Variants in TXLNB observed in about 807,000 individuals in gnomAD.
The protein encoded by TXLNB is beta-taxilin.
Under a neutral mutation model 57.4 loss-of-function variants are expected in TXLNB, and 37 were observed. The observed-to-expected ratio is 0.64, with a 90% CI of 0.50 to 0.85. The LOEUF is 0.85. Among genes scored for constraint, TXLNB ranks in the 40% least tolerant of loss-of-function variants. The probability of loss-of-function intolerance (pLI) is 0.00; values close to 1 mark genes in which losing one functional copy is unlikely to be tolerated. For synonymous variants in TXLNB, 302 were observed against 309.6 expected (o/e 0.98, Z 0.26); for missense variants, 848 against 825.6 (o/e 1.03, Z -0.33).
At chr6:139,267,331 T>C (rs919531671) in intron 4 of TXLNB, among the ~76,000 whole-genome samples, 32 of 152,266 alleles carry the variant, frequency 2.1e-4, no homozygotes, top group African/African-American at 7.0e-4. Flanking sequence ...ATAATACATA[T>C]AATGATGATA....
chr6:139,174,485 C>T, the TXLNB span: 1 of 1,613,498 alleles, frequency 6.2e-7, no homozygotes, highest in Non-Finnish European at 8.5e-7. Context: ...GCAGCTGGCA[C>T]CAGCTGGGCA....
downstream of TXLNB, chr6:139,239,517 G>C (rs1775875629): frequency 6.6e-6 from 1 of 152,524 alleles, no homozygotes. The surrounding 1 kb of genome is among the most constrained non-coding windows in gnomAD (Gnocchi z 4.7). Flanking sequence ...TTTTGAGACA[G>C]GGTCTCACTC....
the TXLNB span, among the ~76,000 whole-genome samples, chr6:139,164,939 C>G: frequency 2.4e-3 from 368 of 152,298 alleles, 7 homozygotes; most frequent in South Asian, 0.042. Flanking sequence ...TTAGCCCCTT[C>G]CACCTCTGGC....
In TXLNB at chr6:139,288,772, T is replaced by C. The variant is rs1777239339; in HGVS notation, c.128A>G (p.Gln43Arg). Residue 43 changes from glutamine (Q) to arginine (R), a missense_variant, in exon 2 of 10, where the codon CAA becomes CGA. Physicochemically the swap from Gln to Arg is conservative, Grantham distance 43 (BLOSUM62 1). Transcript: ENST00000358430. ...CACACTTGCCTCTTTCTCTGGTGGT[T>C]GGACTGGGGTTGGAGAATCCTGGCC... ...EDGQDSPTPV[Q>R]PPEKEASVHP... 1 of 1,614,204 alleles carries C rather than the reference T, an allele frequency of 6.2e-7. No individual in the cohort carries two copies. The highest frequency in any genetic ancestry group is 1.7e-5 in the Admixed American group (1 of 60,022).
At position 139,262,746 on chromosome 6, in the gene TXLNB, CCT is replaced by C. The variant is rs1776518402; in HGVS notation, c.713_714del (p.Glu238GlyfsTer28). On this transcript the variant is annotated frameshift_variant, in exon 5 of 10. Coordinates refer to ENST00000358430, the MANE Select transcript of TXLNB (RefSeq NM_153235.4). LOFTEE classifies it high-confidence loss of function. ...GTGATTTCCTTCCTTTTCTCTTCTT[CCT>C]CACGTGCCCGCTGAAGCGCCTCTTC... ...LKEEALQRAR[E>X]EEEKRKEITS... 6.2e-7 allele frequency: 1 copy of C among 1,613,456 alleles called. No homozygotes were observed. Among genetic ancestry groups the C allele is most frequent in the Non-Finnish European group, 8.5e-7 (1 of 1,179,850 alleles).
upstream of TXLNB, among the ~76,000 whole-genome samples, chr6:139,296,685 C>T (rs898945393): frequency 2.0e-5 from 3 of 152,090 alleles, no homozygotes; most frequent in African/African-American, 7.2e-5. Context: ...CCTCAGGTAT[C>T]CTGAAAGGGG....
chr6:139,240,133 T>C lies in TXLNB; in HGVS notation c.*2393A>G, dbSNP rs1775897407. The stretch of plus-strand genomic sequence containing the variant: ...TTAACTTAGAAAACAATAACTTTAG[T>C]GTTTCTAGAAAGTAGATGGCATTTC... On this transcript the variant is annotated 3_prime_UTR_variant, in exon 10 of 10. Transcript: ENST00000358430. 2 of 152,644 alleles carry C rather than the reference T, an allele frequency of 1.3e-5. No homozygotes were observed. Among genetic ancestry groups the C allele is most frequent in the Non-Finnish European group, 2.9e-5 (2 of 68,032 alleles). The allele number at this position is 152,644 out of a possible 1,614,324, so 9.5% of individuals were successfully genotyped here. A position where few individuals can be genotyped will look rare whatever the true frequency, so the allele number is the denominator to read the frequency against.
In TXLNB at chr6:139,268,305, G is replaced by A. The variant is rs988952155; in HGVS notation, c.687+2151C>T. 1.1e-4 allele frequency among the ~76,000 whole-genome samples: 17 copies of A among 151,668 alleles called. No individual in the cohort carries two copies. The Middle Eastern group carries it at 0.014, about 121-fold the overall frequency. On this transcript the variant is annotated intron_variant, in intron 4 of 9. Transcript: ENST00000358430. ...AGAAATTGACATAATTAAAATAAGC[G>A]GACAATTCCACAATTATATGAAGAG...
chr6:139,164,385 G>A, the TXLNB span, among the ~76,000 whole-genome samples: 1 of 152,120 alleles, frequency 6.6e-6, no homozygotes, highest in Non-Finnish European at 1.5e-5. Flanking sequence ...TATCATGATG[G>A]GGAAGGTGGG....
At chr6:139,174,610 A>G in the TXLNB span, 450 of 1,555,090 alleles carry the variant, frequency 2.9e-4, 3 homozygotes, top group African/African-American at 5.8e-3. Flanking sequence ...TGTAGGGAAG[A>G]TGCGTCTGGC....
chr6:139,311,178 C>T, the TXLNB span, among the ~76,000 whole-genome samples: 1 of 152,198 alleles, frequency 6.6e-6, no homozygotes, highest in Non-Finnish European at 1.5e-5. Context: ...CTATGCTGCA[C>T]TTTGTGTCAC....
chr6:139,288,942 T>C, intron 1 of TXLNB, 29 bp from the exon 2 acceptor site: 1 of 1,528,326 alleles, frequency 6.5e-7, no homozygotes, highest in African/African-American at 1.4e-5. Context: ...AGGCTTTATG[T>C]AGCTAACCTA....
At chr6:139,277,170 C>G in intron 2 of TXLNB, 1 of 368,058 alleles carries the variant, frequency 2.7e-6, no homozygotes. Context: ...TTTGCTATAA[C>G]AGAAGTCTCC....
At chr6:139,317,308 T>C in the TXLNB span, among the ~76,000 whole-genome samples, 1 of 151,698 alleles carries the variant, frequency 6.6e-6, no homozygotes, top group East Asian at 1.9e-4. Context: ...AAGTAAAAAA[T>C]TACCAGACAT....
upstream of TXLNB, among the ~76,000 whole-genome samples, chr6:139,294,361 A>G (rs1363151395): frequency 6.6e-6 from 1 of 152,134 alleles, no homozygotes; most frequent in Non-Finnish European, 1.5e-5. Flanking sequence ...ATGGCCTGCT[A>G]TGATTTCATG....
intron 4 of TXLNB, among the ~76,000 whole-genome samples, chr6:139,267,439 A>G (rs1776643859): frequency 6.6e-6 from 1 of 152,204 alleles, no homozygotes; most frequent in Non-Finnish European, 1.5e-5. Context: ...ACTATGAAAA[A>G]TTAAGAATGT....
chr6:139,187,581 A>G, the TXLNB span, among the ~76,000 whole-genome samples: 109 of 152,196 alleles, frequency 7.2e-4, 1 homozygote, highest in African/African-American at 2.6e-3. Flanking sequence ...CATCATTGCA[A>G]TGGCAAACGT....
intron 4 of TXLNB, chr6:139,268,903 T>C (rs766232170): frequency 1.5e-4 from 23 of 152,134 alleles, no homozygotes; most frequent in Non-Finnish European, 2.9e-4. Context: ...GATCTCTCTC[T>C]CTCTCTCTTT....
chr6:139,165,833 G>A, the TXLNB span, among the ~76,000 whole-genome samples: 1 of 152,102 alleles, frequency 6.6e-6, no homozygotes, highest in Non-Finnish European at 1.5e-5. Flanking sequence ...ATGTACTTAA[G>A]ATAGAGTACA....
Sources: allele counts gnomAD v4.1 joint callset (sites outside exome capture counted in the v4.1 genomes callset), GRCh38; gene constraint gnomAD v4.1.1; non-coding constraint Gnocchi (gnomAD v3.1); transcripts MANE v1.5; gene names NCBI Gene and HGNC (gene_info 2026-07-23, HGNC 2026-07-21).